Variants in MOK observed in about 807,000 individuals in gnomAD.
MOK encodes MAPK/MAK/MRK overlapping kinase.
In MOK, 59 loss-of-function variants were observed where a neutral mutation model predicts 54.2. That is an observed-to-expected ratio of 1.09 (90% confidence interval 0.88 to 1.35). The LOEUF (loss-of-function observed/expected upper bound fraction) is 1.35, where lower values mean the gene tolerates loss of function less well. Ranked by LOEUF, MOK falls within the 40% of genes most tolerant of loss-of-function variation. The probability of loss-of-function intolerance (pLI) is 0.00; values close to 1 mark genes in which losing one functional copy is unlikely to be tolerated. For missense variants in MOK, 517 were observed against 526.2 expected (o/e 0.98, Z 0.17); for synonymous variants, 210 against 202.7 (o/e 1.04, Z -0.31).
intron 1 of MOK, among the ~76,000 whole-genome samples, chr14:102,288,896 G>GTATA (rs2070435469): frequency 1.3e-5 from 2 of 152,172 alleles, no homozygotes. Flanking sequence ...TGTAAGTGCA[G>GTATA]CTTTGTTTTG....
At chr14:102,282,903 T>C (rs1460205343) in intron 2 of MOK, among the ~76,000 whole-genome samples, 2 of 151,512 alleles carry the variant, frequency 1.3e-5, no homozygotes, top group East Asian at 3.9e-4. Context: ...AAAAAAATAA[T>C]AATTAGCCGG....
At chr14:102,302,789 C>A (rs559256094) in intron 1 of MOK, among the ~76,000 whole-genome samples, 1 of 151,610 alleles carries the variant, frequency 6.6e-6, no homozygotes, top group South Asian at 2.1e-4. Context: ...GAGAAATACA[C>A]ATTTATATAT....
chr14:102,233,750 T>G lies in MOK; in HGVS notation c.630A>C (p.Gln210His), dbSNP rs138025237. 2.2e-4 allele frequency: 361 copies of G among 1,614,116 alleles called. 1 individual carries two copies. In the African/African-American group the frequency reaches 4.5e-3, roughly 20 times the overall value. ...CGATGACATCGTGGATTTTTGAGATTTGGTCCAGTTCATTTACTCCAGGAA... is the reference window on the plus strand; with the variant it reads ...CGATGACATCGTGGATTTTTGAGATGTGGTCCAGTTCATTTACTCCAGGAA... ...PLFPGVNELD[Q>H]ISKIHDVIGT... Residue 210 changes from glutamine (Q) to histidine (H), a missense_variant, in exon 8 of 12, where the codon CAA becomes CAC. By Grantham distance (24) the Gln-to-His change is conservative. Coordinates refer to ENST00000361847, the MANE Select transcript of MOK (RefSeq NM_014226.3).
At chr14:102,253,633 C>T (rs1449807807) in intron 4 of MOK, among the ~76,000 whole-genome samples, 1 of 152,228 alleles carries the variant, frequency 6.6e-6, no homozygotes, top group Admixed American at 6.5e-5. Context: ...GTACTCAGCA[C>T]CTGGGCTGGC....
chr14:102,273,066 A>G (rs2068519981), intron 2 of MOK, among the ~76,000 whole-genome samples: 1 of 152,066 alleles, frequency 6.6e-6, no homozygotes, highest in African/African-American at 2.4e-5. Context: ...GCTACTTGGG[A>G]GGCTGAGGCA....
chr14:102,284,684 G>A (rs903985263), intron 1 of MOK, among the ~76,000 whole-genome samples: 1 of 152,192 alleles, frequency 6.6e-6, no homozygotes, highest in African/African-American at 2.4e-5. Context: ...AGAGATCACA[G>A]GAAGGCTGTT....
At chr14:102,290,055 C>T (rs1382135923) in intron 1 of MOK, among the ~76,000 whole-genome samples, 3 of 151,050 alleles carry the variant, frequency 2.0e-5, no homozygotes, top group Non-Finnish European at 4.4e-5. Context: ...CTTCCTTGTT[C>T]GAAATGAAAA....
intron 2 of MOK, among the ~76,000 whole-genome samples, chr14:102,270,037 A>T (rs1197029103): frequency 6.6e-6 from 1 of 152,234 alleles, no homozygotes; most frequent in Non-Finnish European, 1.5e-5. Flanking sequence ...CCATAAGGTA[A>T]GTCTCAATAC....
At chr14:102,226,813 C>T (rs1015374490), downstream of MOK, among the ~76,000 whole-genome samples, 1 of 152,188 alleles carries the variant, frequency 6.6e-6, no homozygotes, top group Non-Finnish European at 1.5e-5. The surrounding 1 kb of genome is among the most constrained non-coding windows in gnomAD (Gnocchi z 4.8). Flanking sequence ...CCCTGCTGTG[C>T]GCCACAAACC....
chr14:102,220,005 G>A (rs184676962), downstream of MOK, among the ~76,000 whole-genome samples: 19 of 152,380 alleles, frequency 1.2e-4, no homozygotes, highest in Admixed American at 1.2e-3. This position sits in a 1 kb window ranked among gnomAD's most constrained non-coding sequence, Gnocchi z 4.2. Context: ...ACTGGAGAAT[G>A]AGTGTGCATT....
chr14:102,294,168 C>T (rs561763633), intron 1 of MOK, among the ~76,000 whole-genome samples: 12 of 150,954 alleles, frequency 7.9e-5, no homozygotes, highest in East Asian at 5.8e-4. Context: ...CAGGTGAGGC[C>T]GGGTGCGGTG....
chr14:102,286,051 G>A (rs1171625088), intron 1 of MOK, among the ~76,000 whole-genome samples: 1 of 152,000 alleles, frequency 6.6e-6, no homozygotes, highest in East Asian at 1.9e-4. Context: ...TGTAATCCCA[G>A]CACTTTGGGA....
chr14:102,233,183 C>G (rs112243104), intron 8 of MOK: 145 of 156,112 alleles, frequency 9.3e-4, no homozygotes, highest in Middle Eastern at 3.4e-3. Context: ...CCTTCTCCCT[C>G]CCTGGGATGT....
chr14:102,269,291 A>G (rs1465311456), intron 2 of MOK, among the ~76,000 whole-genome samples: 1 of 151,532 alleles, frequency 6.6e-6, no homozygotes, highest in Non-Finnish European at 1.5e-5. Context: ...GGTGCAAGCT[A>G]TTGTCCTGCC....
In MOK at chr14:102,238,207, C is replaced by T. The variant is rs1274749438; in HGVS notation, c.591-4418G>A. 6.6e-6 allele frequency: 1 copy of T among 152,232 alleles called. No individual in the cohort carries two copies. Among genetic ancestry groups the T allele is most frequent in the African/African-American group, 2.4e-5 (1 of 41,430 alleles). 9.4% of individuals were successfully genotyped at this position (152,232 alleles called of 1,614,324 possible). Reference sequence around the variant, plus strand: ...TGGGTATGCAGTTGTTTCCCTTGACCGAGTAATTGAAGCTAAGCCCCTACC... The same window carrying T: ...TGGGTATGCAGTTGTTTCCCTTGACTGAGTAATTGAAGCTAAGCCCCTACC... On this transcript the variant is annotated intron_variant, in intron 7 of 11. Transcript: ENST00000361847. The surrounding 1 kb of genome is among the most constrained non-coding windows in gnomAD (Gnocchi z 4.8).
At chr14:102,248,005 C>A (rs1328385407) in intron 7 of MOK, among the ~76,000 whole-genome samples, 1 of 152,174 alleles carries the variant, frequency 6.6e-6, no homozygotes, top group Non-Finnish European at 1.5e-5. Context: ...CAATACAATA[C>A]AAGATATGAT....
intron 1 of MOK, among the ~76,000 whole-genome samples, chr14:102,291,498 C>T (rs191069855): frequency 6.6e-6 from 1 of 152,280 alleles, no homozygotes; most frequent in East Asian, 1.9e-4. Flanking sequence ...AGGCCCTGTT[C>T]ATACTAGTCA....
chr14:102,230,615 G>A lies in MOK; in HGVS notation c.982-958C>T. 1 of 152,700 alleles carries A rather than the reference G, an allele frequency of 6.5e-6. No individual in the cohort carries two copies. The highest frequency in any genetic ancestry group is 1.9e-4 in the East Asian group (1 of 5,184). The allele number at this position is 152,700 out of a possible 1,614,324, so 9.5% of individuals were successfully genotyped here. Reference sequence around the variant, plus strand: ...GGGGACTTGGGTGAATGCCGGCCAGGAGTGACATCAAGGGTTTGAAGCAGA... The same window carrying A: ...GGGGACTTGGGTGAATGCCGGCCAGAAGTGACATCAAGGGTTTGAAGCAGA... On this transcript the variant is annotated intron_variant, in intron 10 of 11. Coordinates refer to ENST00000361847, the MANE Select transcript of MOK (RefSeq NM_014226.3). The surrounding 1 kb of genome is among the most constrained non-coding windows in gnomAD (Gnocchi z 4.1).
At position 102,251,493 on chromosome 14, in the gene MOK, G is replaced by A. The variant is rs2274814; in HGVS notation, c.411+263C>T. Reference sequence around the variant, plus strand: ...ACATTTCCCTCTAGAAGGTTTGAACGGCCGTCTGAATAGGGTTCATTTTTG... The same window carrying A: ...ACATTTCCCTCTAGAAGGTTTGAACAGCCGTCTGAATAGGGTTCATTTTTG... On this transcript the variant is annotated intron_variant, in intron 6 of 11. Coordinates refer to ENST00000361847, the MANE Select transcript of MOK (RefSeq NM_014226.3). 2.3e-3 allele frequency: 1,229 copies of A among 542,180 alleles called. 14 individuals are homozygous for A. The highest frequency in any genetic ancestry group is 0.02 in the African/African-American group (1,087 of 53,282). The allele number at this position is 542,180 out of a possible 1,614,324, so 33.6% of individuals were successfully genotyped here. A position where few individuals can be genotyped will look rare whatever the true frequency, so the allele number is the denominator to read the frequency against.
Sources: allele counts gnomAD v4.1 joint callset (sites outside exome capture counted in the v4.1 genomes callset), GRCh38; gene constraint gnomAD v4.1.1; non-coding constraint Gnocchi (gnomAD v3.1); transcripts MANE v1.5; gene names NCBI Gene and HGNC (gene_info 2026-07-23, HGNC 2026-07-21).